SLC29A3: variants seen among roughly 807,000 people sequenced by gnomAD.
The protein encoded by SLC29A3 is solute carrier family 29 member 3.
SLC29A3 carries 18 observed loss-of-function variants against 25.4 expected under a neutral mutation model. The observed-to-expected ratio is 0.71, with a 90% confidence interval of 0.49 to 1.05. The LOEUF is 1.05. Ranked by LOEUF, SLC29A3 falls within the 50% of genes least tolerant of loss-of-function variation. SLC29A3 has a pLI of 0.00. For synonymous variants in SLC29A3, 258 were observed against 267.1 expected (o/e 0.97, Z 0.33); for missense variants, 586 against 609.0 (o/e 0.96, Z 0.40).
chr10:71,353,420 T>C (rs1329231580), intron 4 of SLC29A3, among the ~76,000 whole-genome samples: 1 of 152,214 alleles, frequency 6.6e-6, no homozygotes, highest in Non-Finnish European at 1.5e-5. Context: ...CTTAGTTCCT[T>C]CCATCCTTGC....
At chr10:71,346,446 C>A (rs1846584167) in intron 3 of SLC29A3, among the ~76,000 whole-genome samples, 1 of 152,186 alleles carries the variant, frequency 6.6e-6, no homozygotes. Flanking sequence ...AACCTGTAAT[C>A]TCAGCACTTT....
At chr10:71,376,704 T>G (rs1847254377) in intron 4 of SLC29A3, among the ~76,000 whole-genome samples, 2 of 152,226 alleles carry the variant, frequency 1.3e-5, no homozygotes, top group South Asian at 4.1e-4. Context: ...AGATTCAAGT[T>G]TCCCTGAATG....
intron 2 of SLC29A3, among the ~76,000 whole-genome samples, chr10:71,331,432 G>A (rs1274826920): frequency 6.6e-6 from 1 of 152,146 alleles, no homozygotes; most frequent in African/African-American, 2.4e-5. Flanking sequence ...TTTTTAATAC[G>A]AGAGACATAG....
chr10:71,350,375 C>A (rs1021815011), intron 3 of SLC29A3, among the ~76,000 whole-genome samples: 1 of 140,628 alleles, frequency 7.1e-6, no homozygotes, highest in African/African-American at 2.6e-5. Context: ...TCAAGTTTTT[C>A]TTTTTTTAAT....
chr10:71,381,274 T>C (rs1432814318), exon 5 of SLC29A3: 6 of 152,222 alleles, frequency 3.9e-5, no homozygotes, highest in Non-Finnish European at 7.3e-5. Flanking sequence ...ATGTTGATAC[T>C]GTGGCAGGCT....
rs142699866 is a variant in SLC29A3 at position 71,351,152 on chromosome 10, A to C, written c.384-410A>C. ...CACTAGACAAAGCCAGCAGGAGCTC[A>C]GCCCTGTGGCAGGAAGAGCAGGGGT... On this transcript the variant is annotated intron_variant, in intron 3 of 5. Coordinates refer to ENST00000373189, the MANE Select transcript of SLC29A3 (RefSeq NM_018344.6). Among the ~76,000 whole-genome samples the C allele has an allele frequency of 4.3e-3, 653 of 152,352 alleles. 3 individuals are homozygous for C. Among genetic ancestry groups the C allele is most frequent in the Non-Finnish European group, 7.5e-3 (511 of 68,038 alleles).
chr10:71,352,643 T>C (rs1223616598), intron 4 of SLC29A3: 2 of 152,392 alleles, frequency 1.3e-5, no homozygotes, highest in East Asian at 3.9e-4. Flanking sequence ...GTGAATAAAC[T>C]CTCACCCCCA....
intron 5 of SLC29A3, among the ~76,000 whole-genome samples, chr10:71,361,559 T>G (rs779799314): frequency 1.3e-5 from 2 of 152,200 alleles, no homozygotes; most frequent in Non-Finnish European, 2.9e-5. Context: ...ATTTTCTGTA[T>G]TATTTGGGTT....
chr10:71,357,909 C>T (rs1279907311), intron 5 of SLC29A3, among the ~76,000 whole-genome samples: 1 of 152,232 alleles, frequency 6.6e-6, no homozygotes, highest in Non-Finnish European at 1.5e-5. Context: ...AGTGAAGTGC[C>T]AGGTGCGTTA....
intron 4 of SLC29A3, among the ~76,000 whole-genome samples, chr10:71,353,759 G>A (rs542456626): frequency 7.4e-4 from 113 of 152,222 alleles, no homozygotes; most frequent in Admixed American, 1.7e-3. Context: ...TTCCGCACGC[G>A]TTGGCATCTG....
rs147064970 is a variant in SLC29A3 at position 71,371,710 on chromosome 10, C to G, written c.*95-3985C>G. 2.6e-3 allele frequency among the ~76,000 whole-genome samples: 403 copies of G among 152,318 alleles called. 1 individual carries two copies. Among genetic ancestry groups the G allele is most frequent in the African/African-American group, 9.3e-3 (387 of 41,562 alleles). On this transcript the variant is annotated intron_variant and NMD_transcript_variant, in intron 3 of 4. Coordinates refer to the SLC29A3 transcript ENST00000642772. ...GACAGGTTTCTTAACCTCTCTGTGT[C>G]TCTGTTTCCTTATCTGTAAAAGGGA...
intron 3 of SLC29A3, among the ~76,000 whole-genome samples, chr10:71,373,856 G>A (rs1027972855): frequency 3.3e-5 from 5 of 152,224 alleles, no homozygotes; most frequent in African/African-American, 1.2e-4. Context: ...GCACACCTGG[G>A]TGCAAGGAAT....
chr10:71,345,349 A>G (rs1477217999), intron 3 of SLC29A3, among the ~76,000 whole-genome samples: 1 of 152,140 alleles, frequency 6.6e-6, no homozygotes, highest in African/African-American at 2.4e-5. Flanking sequence ...GCAGCCATTC[A>G]TATCCCCTCT....
At chr10:71,342,315 C>G (rs193241604) in intron 2 of SLC29A3, among the ~76,000 whole-genome samples, 10 of 152,338 alleles carry the variant, frequency 6.6e-5, no homozygotes, top group Admixed American at 3.3e-4. Context: ...ATCTCCTGAT[C>G]TGTGCTCATG....
chr10:71,349,629 T>C (rs1161600612), intron 3 of SLC29A3, among the ~76,000 whole-genome samples: 2 of 152,066 alleles, frequency 1.3e-5, no homozygotes, highest in Admixed American at 6.5e-5. Context: ...GGCGAAGGAA[T>C]GTTCTCCCAG....
At chr10:71,373,150 A>G (rs1186272695) in intron 3 of SLC29A3, among the ~76,000 whole-genome samples, 1 of 152,212 alleles carries the variant, frequency 6.6e-6, no homozygotes, top group African/African-American at 2.4e-5. Context: ...GTCTTTGCTG[A>G]GACTCAAAAA....
chr10:71,332,458 A>G (rs755045473), intron 2 of SLC29A3, among the ~76,000 whole-genome samples: 20 of 152,190 alleles, frequency 1.3e-4, no homozygotes, highest in Admixed American at 5.9e-4. Flanking sequence ...CCAGCAATCC[A>G]ATGTTTAAGA....
chr10:71,372,648 G>A (rs1367056136), intron 3 of SLC29A3, among the ~76,000 whole-genome samples: 3 of 152,208 alleles, frequency 2.0e-5, no homozygotes, highest in Admixed American at 6.5e-5. Flanking sequence ...GAGAGAAAGT[G>A]AGGGCTTCAT....
intron 2 of SLC29A3, among the ~76,000 whole-genome samples, chr10:71,329,676 T>C (rs1374499822): frequency 6.6e-6 from 1 of 152,116 alleles, no homozygotes; most frequent in Non-Finnish European, 1.5e-5. Flanking sequence ...AACAGTGAGC[T>C]TGAGCCCAGG....
Sources: gnomAD v4.1 joint callset for allele counts (sites outside exome capture counted in the v4.1 genomes callset) on GRCh38, gnomAD v4.1.1 for gene constraint, MANE v1.5 for transcripts, NCBI Gene and HGNC (gene_info 2026-07-23, HGNC 2026-07-21) for gene names.